The following FBXL4 variants were observed in gnomAD, a reference collection of about 807,000 sequenced individuals.
FBXL4 encodes the protein F-box and leucine rich repeat protein 4.
FBXL4 carries 40 observed loss-of-function variants against 58.9 expected under a neutral mutation model. The ratio of observed to expected loss-of-function variants is 0.68; its 90% confidence interval spans 0.53 to 0.88. The LOEUF (loss-of-function observed/expected upper bound fraction) is 0.88. Among genes scored for constraint, FBXL4 ranks in the 40% least tolerant of loss-of-function variants. The pLI, the probability that FBXL4 is intolerant of heterozygous loss-of-function variation, is 0.00. For synonymous variants in FBXL4, 263 were observed against 265.5 expected, an observed-to-expected ratio of 0.99 and a Z score of 0.09; for missense variants, 676 against 734.4, an observed-to-expected ratio of 0.92 and a Z score of 0.92.
At chr6:98,878,986 G>A (rs1770752338) in intron 8 of FBXL4, among the ~76,000 whole-genome samples, 1 of 152,112 alleles carries the variant, frequency 6.6e-6, no homozygotes, top group South Asian at 2.1e-4. Context: ...TAGAGACTGA[G>A]ATGGCCTGAG....
intron 5 of FBXL4, among the ~76,000 whole-genome samples, chr6:98,907,702 T>C (rs1471306266): frequency 6.6e-6 from 1 of 152,238 alleles, no homozygotes; most frequent in Non-Finnish European, 1.5e-5. Context: ...AATGTATTTA[T>C]CTAGCTAAAC....
At chr6:98,881,126 T>C (rs1430812590) in intron 7 of FBXL4, among the ~76,000 whole-genome samples, 1 of 152,190 alleles carries the variant, frequency 6.6e-6, no homozygotes, top group Non-Finnish European at 1.5e-5. Context: ...CTGGTGACTT[T>C]AATGTCAAAG....
At chr6:98,875,320 T>C (rs780881871) in intron 9 of FBXL4, 95 bp downstream of exon 9, 7 of 1,174,164 alleles carry the variant, frequency 6.0e-6, no homozygotes, top group Non-Finnish European at 7.5e-6. Context: ...TTTTATTGTA[T>C]CCAAAAATTT....
intron 7 of FBXL4, among the ~76,000 whole-genome samples, chr6:98,884,013 CTG>C (rs759082875): frequency 6.6e-5 from 10 of 151,652 alleles, no homozygotes; most frequent in Non-Finnish European, 1.3e-4. Flanking sequence ...TTATCAATTT[CTG>C]TGTCATAATT....
intron 7 of FBXL4, among the ~76,000 whole-genome samples, chr6:98,883,590 T>C (rs572951962): frequency 6.6e-6 from 1 of 151,858 alleles, no homozygotes; most frequent in East Asian, 1.9e-4. Context: ...CCAACTACAA[T>C]TGATTCTTAT....
intron 4 of FBXL4, among the ~76,000 whole-genome samples, chr6:98,925,139 T>G (rs1225774859): frequency 6.6e-6 from 1 of 152,204 alleles, no homozygotes; most frequent in African/African-American, 2.4e-5. Flanking sequence ...AAATGGCTTT[T>G]AAACATATGA....
At chr6:98,874,531 T>C in intron 9 of FBXL4, 90 bp from the exon 10 acceptor site, 1 of 1,346,724 alleles carries the variant, frequency 7.4e-7, no homozygotes, top group Non-Finnish European at 1.0e-6. Context: ...CCATGATTTA[T>C]TGTTTGTAAT....
intron 1 of FBXL4, among the ~76,000 whole-genome samples, chr6:98,937,618 GTGA>G (rs1417029645): frequency 6.6e-6 from 1 of 152,174 alleles, no homozygotes; most frequent in Admixed American, 6.5e-5. Flanking sequence ...CAGGGTGAAA[GTGA>G]TGGAGGAGGT....
intron 7 of FBXL4, chr6:98,897,333 CCACAGACCAATGAAAA>C (rs1228448356): frequency 1.0e-6 from 1 of 985,048 alleles, no homozygotes; most frequent in African/African-American, 1.7e-5. Context: ...AGTCATTTCA[CCACAGACCAATGAAAA>C]CACAGGCTAA....
Position 98,926,953 on chromosome 6 carries a change from G to C in FBXL4, c.36C>G (p.Thr12=), listed in dbSNP as rs749635212. The change falls in exon 4 of 10, where the codon ACC becomes ACG. Residue 12 remains threonine, a synonymous_variant. Transcript: ENST00000369244. ...GCCGAAGGCATATATAATAAAACATGGTCAGAACTGTTAACATGGGAAAGA... is the reference window on the plus strand; with the variant it reads ...GCCGAAGGCATATATAATAAAACATCGTCAGAACTGTTAACATGGGAAAGA... ...SPVFPMLTVL[T]MFYYICLRRR... The C allele has an allele frequency of 6.2e-7, 1 of 1,613,982 alleles. No homozygotes were observed. The highest frequency in any genetic ancestry group is 1.7e-5 in the Admixed American group (1 of 60,000).
intron 9 of FBXL4, among the ~76,000 whole-genome samples, chr6:98,874,798 G>A (rs907370954): frequency 6.6e-5 from 10 of 152,104 alleles, no homozygotes; most frequent in South Asian, 4.1e-4. Flanking sequence ...GTGCAAGTGC[G>A]ATATGACTTC....
At chr6:98,881,631 A>C (rs1224728227) in intron 7 of FBXL4, among the ~76,000 whole-genome samples, 1 of 152,082 alleles carries the variant, frequency 6.6e-6, no homozygotes, top group East Asian at 1.9e-4. Context: ...TAAAGTAATA[A>C]AATATTTCTC....
At chr6:98,876,245 T>A (rs1035572542) in intron 8 of FBXL4, among the ~76,000 whole-genome samples, 1 of 152,168 alleles carries the variant, frequency 6.6e-6, no homozygotes, top group African/African-American at 2.4e-5. Context: ...ATATACAACA[T>A]GAAAATAATT....
At chr6:98,878,417 C>T (rs1275648841) in intron 8 of FBXL4, among the ~76,000 whole-genome samples, 1 of 152,008 alleles carries the variant, frequency 6.6e-6, no homozygotes, top group East Asian at 1.9e-4. Flanking sequence ...CCATAGCTCA[C>T]TGCAGCCTCA....
intron 8 of FBXL4, 22 bp from the exon 9 acceptor site, chr6:98,875,749 T>C (rs1462597401): frequency 1.2e-6 from 2 of 1,607,662 alleles, no homozygotes; most frequent in Non-Finnish European, 1.7e-6. Flanking sequence ...ATAATTCCAA[T>C]CTTTTACATG....
At chr6:98,907,526 T>G (rs757176628) in intron 5 of FBXL4, among the ~76,000 whole-genome samples, 14 of 152,212 alleles carry the variant, frequency 9.2e-5, no homozygotes, top group Non-Finnish European at 1.6e-4. Flanking sequence ...AAAATTATCT[T>G]CTTGAACTAG....
intron 4 of FBXL4, among the ~76,000 whole-genome samples, chr6:98,921,160 GA>G (rs1485186278): frequency 6.6e-6 from 1 of 152,094 alleles, no homozygotes; most frequent in Non-Finnish European, 1.5e-5. Flanking sequence ...TCTTTCTGTT[GA>G]TTGTACTGGA....
chr6:98,919,650 A>C (rs980264670), intron 4 of FBXL4, among the ~76,000 whole-genome samples: 1 of 152,194 alleles, frequency 6.6e-6, no homozygotes, highest in Non-Finnish European at 1.5e-5. Flanking sequence ...GTTCCTAACG[A>C]AGGAATTGAT....
chr6:98,914,177 G>A (rs193050836), intron 5 of FBXL4, among the ~76,000 whole-genome samples: 1 of 152,140 alleles, frequency 6.6e-6, no homozygotes, highest in Non-Finnish European at 1.5e-5. Flanking sequence ...ATAATCAACA[G>A]CTTACCAACC....
Sources: allele counts gnomAD v4.1 joint callset (sites outside exome capture counted in the v4.1 genomes callset), GRCh38; gene constraint gnomAD v4.1.1; transcripts MANE v1.5; gene names NCBI Gene and HGNC (gene_info 2026-07-23, HGNC 2026-07-21).